Variants in EPHB1 observed in about 807,000 individuals in gnomAD.
EPHB1 encodes the protein EPH receptor B1.
A neutral mutation model predicts 94.4 loss-of-function variants in EPHB1; 30 were observed. The ratio of observed to expected loss-of-function variants is 0.32; its 90% CI spans 0.24 to 0.43. The LOEUF (loss-of-function observed/expected upper bound fraction) is 0.43. EPHB1 is among the 20% of genes least tolerant of loss of function. EPHB1 has a pLI of 1.00. For missense variants in EPHB1, 1,055 were observed against 1,308.3 expected (o/e 0.81, Z 2.99); for synonymous variants, 522 against 489.1 (o/e 1.07, Z -0.89).
At chr3:134,920,187 G>A (rs1453874066) in intron 1 of EPHB1, among the ~76,000 whole-genome samples, 1 of 152,088 alleles carries the variant, frequency 6.6e-6, no homozygotes, top group African/African-American at 2.4e-5. Context: ...CCTTCCCCCA[G>A]TCTCCATGGG....
At position 135,154,219 on chromosome 3, in the gene EPHB1, A is replaced by T; in HGVS notation, c.1365A>T (p.Pro455=). 1 of 1,614,010 alleles carries T rather than the reference A, an allele frequency of 6.2e-7. No individual in the cohort carries two copies. Among genetic ancestry groups the T allele is most frequent in the Non-Finnish European group, 8.5e-7 (1 of 1,179,872 alleles). Residue 455 remains proline (P), a synonymous_variant, in exon 6 of 16, where the codon CCA becomes CCT. Transcript: ENST00000398015. ...TGAGGAGCATCACCTTGTCATGGCC[A>T]CAGCCGGAGCAGCCCAATGGCATCA... ...ATMRSITLSW[P]QPEQPNGIIL...
At chr3:135,247,695 T>C (rs191022161) in intron 13 of EPHB1, among the ~76,000 whole-genome samples, 84 of 152,354 alleles carry the variant, frequency 5.5e-4, no homozygotes, top group Middle Eastern at 6.8e-3. Context: ...ATTTTGACTG[T>C]TGTCATTGAT....
intron 1 of EPHB1, among the ~76,000 whole-genome samples, chr3:134,898,482 A>C (rs1254852216): frequency 6.6e-6 from 1 of 152,090 alleles, no homozygotes; most frequent in African/African-American, 2.4e-5. Context: ...GCACTGATTC[A>C]GCTTCTCTCT....
At chr3:135,142,501 A>G (rs554594460) in intron 5 of EPHB1, among the ~76,000 whole-genome samples, 1 of 152,316 alleles carries the variant, frequency 6.6e-6, no homozygotes, top group Admixed American at 6.5e-5. Context: ...TATTGCAAAG[A>G]TGGAGCCTAA....
At chr3:134,995,198 A>ATT (rs1934949823) in intron 3 of EPHB1, among the ~76,000 whole-genome samples, 1 of 152,174 alleles carries the variant, frequency 6.6e-6, no homozygotes, top group East Asian at 1.9e-4. Flanking sequence ...TAATTTTGTC[A>ATT]TTACAAGGTG....
chr3:135,110,740 G>A (rs1939408313), intron 4 of EPHB1, among the ~76,000 whole-genome samples: 1 of 152,190 alleles, frequency 6.6e-6, no homozygotes, highest in Non-Finnish European at 1.5e-5. Context: ...GCTTAGAGAA[G>A]GATAAGAATC....
chr3:134,880,141 G>A (rs564967171), intron 1 of EPHB1, among the ~76,000 whole-genome samples: 3 of 152,288 alleles, frequency 2.0e-5, no homozygotes, highest in Non-Finnish European at 4.4e-5. Context: ...GTCTGAACTG[G>A]CCCAAGGGCA....
At chr3:134,796,088 C>A (rs556404684) in intron 1 of EPHB1, 1 of 274,320 alleles carries the variant, frequency 3.6e-6, no homozygotes, top group Non-Finnish European at 6.9e-6. Context: ...GGAGTACTGG[C>A]GCCCGTCTGC....
chr3:134,872,707 AT>A (rs1488745664), intron 1 of EPHB1, among the ~76,000 whole-genome samples: 1 of 152,218 alleles, frequency 6.6e-6, no homozygotes, highest in Middle Eastern at 3.2e-3. Context: ...ATGTCTTTCC[AT>A]AAATTATAAT....
chr3:135,223,983 A>G (rs1191836548), intron 12 of EPHB1, among the ~76,000 whole-genome samples: 1 of 152,216 alleles, frequency 6.6e-6, no homozygotes, highest in Non-Finnish European at 1.5e-5. Flanking sequence ...GGTCAGCGAC[A>G]AATCACATAT....
chr3:134,878,559 T>A (rs903112710), intron 1 of EPHB1, among the ~76,000 whole-genome samples: 1 of 152,214 alleles, frequency 6.6e-6, no homozygotes, highest in Admixed American at 6.5e-5. Context: ...CTGTCTCTGC[T>A]ATGGCTTCCT....
intron 3 of EPHB1, among the ~76,000 whole-genome samples, chr3:135,027,971 G>C (rs1936257373): frequency 1.4e-5 from 2 of 145,286 alleles, no homozygotes; most frequent in African/African-American, 4.9e-5. Context: ...ATGTGTCAAG[G>C]AATTTATCCA....
chr3:135,198,239 A>G (rs1942673865), intron 11 of EPHB1, among the ~76,000 whole-genome samples: 1 of 152,182 alleles, frequency 6.6e-6, no homozygotes, highest in Admixed American at 6.5e-5. Flanking sequence ...GTGATTTACC[A>G]TTCTGAACTT....
intron 4 of EPHB1, among the ~76,000 whole-genome samples, chr3:135,113,712 C>T (rs557821244): frequency 5.3e-5 from 8 of 152,166 alleles, no homozygotes; most frequent in Non-Finnish European, 1.2e-4. Context: ...GACCAATGCT[C>T]AGCAGGCCAG....
intron 3 of EPHB1, among the ~76,000 whole-genome samples, chr3:134,975,782 GGGGGGAGTGAGAA>G (rs1934165597): frequency 2.0e-5 from 3 of 151,782 alleles, no homozygotes; most frequent in Non-Finnish European, 2.9e-5. Flanking sequence ...AAGAGGGCAG[GGGGGGAGTGAGAA>G]AGACAACATC....
intron 12 of EPHB1, among the ~76,000 whole-genome samples, chr3:135,214,371 C>T (rs575218196): frequency 6.6e-6 from 1 of 152,330 alleles, no homozygotes; most frequent in South Asian, 2.1e-4. Context: ...CTAGAATCTG[C>T]TCCATCTGCA....
chr3:134,988,721 C>A (rs1422754224), intron 3 of EPHB1, among the ~76,000 whole-genome samples: 1 of 152,154 alleles, frequency 6.6e-6, no homozygotes, highest in Non-Finnish European at 1.5e-5. Context: ...AGTAATCCTT[C>A]CCCAACCACA....
chr3:135,181,634 G>A (rs1942154694), intron 10 of EPHB1, among the ~76,000 whole-genome samples: 1 of 152,194 alleles, frequency 6.6e-6, no homozygotes. Flanking sequence ...AGAGCGATGT[G>A]TTCTGGACTG....
At chr3:134,973,535 G>A (rs1028163654) in intron 3 of EPHB1, among the ~76,000 whole-genome samples, 2 of 144,766 alleles carry the variant, frequency 1.4e-5, no homozygotes, top group Non-Finnish European at 3.0e-5. Context: ...GGGTTCAAGC[G>A]ATTCTCCTTC....
Sources: gnomAD v4.1 joint callset for allele counts (sites outside exome capture counted in the v4.1 genomes callset) on GRCh38, gnomAD v4.1.1 for gene constraint, MANE v1.5 for transcripts, NCBI Gene and HGNC (gene_info 2026-07-23, HGNC 2026-07-21) for gene names.